The following PDE1C variants were observed in gnomAD, a reference collection of about 807,000 sequenced individuals.
The protein encoded by PDE1C is phosphodiesterase 1C.
A neutral mutation model predicts 93.1 loss-of-function variants in PDE1C; 62 were observed. That is an observed-to-expected ratio of 0.67 (90% CI 0.54 to 0.82). The LOEUF (loss-of-function observed/expected upper bound fraction) is 0.82. PDE1C is among the 40% of genes least tolerant of loss of function. The probability of loss-of-function intolerance (pLI) is 0.00; values close to 1 mark genes in which losing one functional copy is unlikely to be tolerated. For synonymous variants in PDE1C, 325 were observed against 310.1 expected, an observed-to-expected ratio of 1.05 and a Z score of -0.50; for missense variants, 742 against 884.6, an observed-to-expected ratio of 0.84 and a Z score of 2.04.
At chr7:31,881,736 T>C (rs540911848) in intron 2 of PDE1C, among the ~76,000 whole-genome samples, 1 of 152,354 alleles carries the variant, frequency 6.6e-6, no homozygotes, top group African/African-American at 2.4e-5. Context: ...AGGTAAGTTA[T>C]GTAACATCTT....
At chr7:32,394,531 G>A (rs1360227816) in intron 1 of PDE1C, among the ~76,000 whole-genome samples, 2 of 152,154 alleles carry the variant, frequency 1.3e-5, no homozygotes, top group African/African-American at 4.8e-5. Flanking sequence ...GTCTGGGTTG[G>A]GCACATTGAC....
At chr7:31,962,794 C>T (rs988860759) in intron 2 of PDE1C, among the ~76,000 whole-genome samples, 1 of 151,178 alleles carries the variant, frequency 6.6e-6, no homozygotes, top group Admixed American at 6.6e-5. Context: ...CATCTAAGGC[C>T]CCTCCATCTT....
At chr7:32,416,514 G>A (rs892039243) in intron 1 of PDE1C, among the ~76,000 whole-genome samples, 1 of 152,194 alleles carries the variant, frequency 6.6e-6, no homozygotes, top group African/African-American at 2.4e-5. Context: ...TTTTGACATG[G>A]TGGTTTTAAT....
At chr7:32,021,476 A>C (rs1275805136) in intron 2 of PDE1C, among the ~76,000 whole-genome samples, 1 of 152,140 alleles carries the variant, frequency 6.6e-6, no homozygotes, top group Non-Finnish European at 1.5e-5. Flanking sequence ...AGAGGATGGC[A>C]TTCTTGTTTA....
At chr7:32,367,116 C>A (rs899787902) in intron 1 of PDE1C, among the ~76,000 whole-genome samples, 3 of 152,098 alleles carry the variant, frequency 2.0e-5, no homozygotes, top group Admixed American at 1.3e-4. Flanking sequence ...GAAATAAAAT[C>A]TTTCACAGAC....
At chr7:31,716,027 C>T in the PDE1C span, among the ~76,000 whole-genome samples, 1 of 152,178 alleles carries the variant, frequency 6.6e-6, no homozygotes, top group Non-Finnish European at 1.5e-5. Context: ...TTTTGCTGGA[C>T]AGCTAAGGAC....
chr7:32,388,508 G>A (rs962458655), intron 1 of PDE1C, among the ~76,000 whole-genome samples: 1 of 151,884 alleles, frequency 6.6e-6, no homozygotes, highest in Non-Finnish European at 1.5e-5. Flanking sequence ...GCGAGACCCT[G>A]TCTCTAAAAA....
intron 3 of PDE1C, among the ~76,000 whole-genome samples, chr7:32,082,719 C>A (rs868628275): frequency 1.3e-5 from 2 of 152,164 alleles, no homozygotes; most frequent in Non-Finnish European, 2.9e-5. Flanking sequence ...CTGCAGCCAC[C>A]GCTACTGATA....
chr7:31,802,698 T>C (rs1026757788), intron 16 of PDE1C, among the ~76,000 whole-genome samples: 3 of 146,540 alleles, frequency 2.0e-5, no homozygotes, highest in Non-Finnish European at 4.6e-5. Context: ...GAATTCTTTG[T>C]TGATTTTTTT....
At chr7:32,237,697 G>A (rs1298428017) in intron 1 of PDE1C, among the ~76,000 whole-genome samples, 1 of 143,256 alleles carries the variant, frequency 7.0e-6, no homozygotes, top group Middle Eastern at 3.6e-3. Flanking sequence ...TCCCTTTAAG[G>A]TCAATAATGA....
chr7:31,758,599 T>C (rs1432595959), intron 17 of PDE1C, among the ~76,000 whole-genome samples: 2 of 152,182 alleles, frequency 1.3e-5, no homozygotes, highest in African/African-American at 4.8e-5. Context: ...CCATGCCAAC[T>C]TCACCCATTG....
intron 2 of PDE1C, among the ~76,000 whole-genome samples, chr7:31,920,453 G>A (rs1043976844): frequency 2.0e-5 from 3 of 152,132 alleles, no homozygotes; most frequent in Non-Finnish European, 4.4e-5. Flanking sequence ...GCTCTTCATG[G>A]GGTGAGGTTG....
At chr7:31,681,335 C>T in the PDE1C span, among the ~76,000 whole-genome samples, 1 of 150,800 alleles carries the variant, frequency 6.6e-6, no homozygotes, top group African/African-American at 2.4e-5. Context: ...TGAAATTCCT[C>T]ACAGTTCAGT....
intron 1 of PDE1C, among the ~76,000 whole-genome samples, chr7:32,391,745 C>T (rs1490799065): frequency 6.6e-5 from 10 of 151,412 alleles, no homozygotes; most frequent in Admixed American, 6.6e-4. Context: ...AAAAAATGAG[C>T]CAAAGAAGAA....
chr7:31,954,084 T>G (rs1021422376), intron 2 of PDE1C, among the ~76,000 whole-genome samples: 3 of 152,210 alleles, frequency 2.0e-5, no homozygotes, highest in African/African-American at 4.8e-5. Flanking sequence ...TGTAGCCAAG[T>G]GGCTAATGAT....
chr7:32,171,888 G>A (rs1410420353), intron 2 of PDE1C, among the ~76,000 whole-genome samples: 1 of 145,740 alleles, frequency 6.9e-6, no homozygotes, highest in Non-Finnish European at 1.5e-5. Context: ...TAAATGTAAT[G>A]TGGCATCCTA....
intron 16 of PDE1C, among the ~76,000 whole-genome samples, chr7:31,806,268 C>G (rs1424512643): frequency 1.3e-5 from 2 of 151,912 alleles, no homozygotes; most frequent in Non-Finnish European, 2.9e-5. Flanking sequence ...AAGTTAACGG[C>G]AAGTTTGTAT....
chr7:32,216,031 C>T (rs1360261155), intron 1 of PDE1C, among the ~76,000 whole-genome samples: 2 of 152,204 alleles, frequency 1.3e-5, no homozygotes, highest in Non-Finnish European at 1.5e-5. Flanking sequence ...AAGAAGAGAA[C>T]ATTGGAATGA....
chr7:32,091,365 T>C (rs1037705743), intron 3 of PDE1C, among the ~76,000 whole-genome samples: 3 of 152,308 alleles, frequency 2.0e-5, no homozygotes, highest in East Asian at 1.9e-4. Flanking sequence ...ATGTGCTACA[T>C]TGGCGACCAG....
Sources: allele counts gnomAD v4.1 joint callset (sites outside exome capture counted in the v4.1 genomes callset), GRCh38; gene constraint gnomAD v4.1.1; transcripts MANE v1.5; gene names NCBI Gene and HGNC (gene_info 2026-07-23, HGNC 2026-07-21).